Variants in WEE2 observed in about 807,000 individuals in gnomAD.
WEE2 encodes the protein wee1-like protein kinase 2.
WEE2 carries 50 observed loss-of-function variants against 60.1 expected under a neutral mutation model. That is an observed-to-expected ratio of 0.83 (90% CI 0.66 to 1.05). The LOEUF (loss-of-function observed/expected upper bound fraction) is 1.05. Among genes scored for constraint, WEE2 ranks in the 50% least tolerant of loss-of-function variants. The pLI is 0.00. For missense variants in WEE2, 631 were observed against 684.3 expected, an observed-to-expected ratio of 0.92 and a Z score of 0.87; for synonymous variants, 240 against 241.0, an observed-to-expected ratio of 1.00 and a Z score of 0.04.
At chr7:141,720,794 A>G in intron 4 of WEE2, 141 bp from the exon 5 acceptor site, 3 of 932,444 alleles carry the variant, frequency 3.2e-6, no homozygotes, top group Admixed American at 2.4e-5. Flanking sequence ...TTAAGATTCA[A>G]TGAGATAAAA....
intron 8 of WEE2, 92 bp downstream of exon 8, chr7:141,724,367 A>G: frequency 9.2e-7 from 1 of 1,083,060 alleles, no homozygotes; most frequent in South Asian, 1.5e-5. Flanking sequence ...AAAACTGTAT[A>G]TTTATCATTA....
At position 141,723,293 on chromosome 7, in the gene WEE2, C is replaced by T. The variant is rs773459583; in HGVS notation, c.1027+13C>T. On this transcript the variant is annotated intron_variant, in intron 6 of 11. Coordinates refer to ENST00000397541, the MANE Select transcript of WEE2 (RefSeq NM_001105558.1). Reference sequence around the variant, plus strand: ...GACATCAAACCTAGTCAGTGTGATTCCCTTCTGCCACTTCTACCGTATTTT... The same window carrying T: ...GACATCAAACCTAGTCAGTGTGATTTCCTTCTGCCACTTCTACCGTATTTT... 3 of 1,611,722 alleles carry T rather than the reference C, an allele frequency of 1.9e-6. No homozygotes were observed. Among genetic ancestry groups the T allele is most frequent in the Non-Finnish European group, 2.5e-6 (3 of 1,178,854 alleles).
intron 8 of WEE2, 116 bp from the exon 9 acceptor site, chr7:141,724,910 G>T: frequency 8.7e-7 from 1 of 1,153,166 alleles, no homozygotes; most frequent in Non-Finnish European, 1.2e-6. Context: ...ATCTTTGACC[G>T]TCGTGTCTGT....
rs75014681 is a variant in WEE2 at position 141,709,109 on chromosome 7, G to C, written c.342+9G>C. 5.6e-5 allele frequency: 90 copies of C among 1,607,748 alleles called. No individual in the cohort carries two copies. In the African/African-American group the frequency reaches 1.1e-3, roughly 20 times the overall value. ...GCCCCTCTACTCCCAAAGTAAGTAA[G>C]GGGTGGGGGAAAAAGGGACGCAGGT... On this transcript the variant is annotated intron_variant, in intron 1 of 11. Transcript: ENST00000397541.
chr7:141,711,903 A>C lies in WEE2; in HGVS notation c.343-2306A>C, dbSNP rs1045334977. 2.6e-5 allele frequency: 4 copies of C among 152,202 alleles called. No homozygotes were observed. The highest frequency in any genetic ancestry group is 1.3e-4 in the Admixed American group (2 of 15,266). The allele number at this position is 152,202 out of a possible 1,614,324, so 9.4% of individuals were successfully genotyped here. A position where few individuals can be genotyped will look rare whatever the true frequency, so the allele number is the denominator to read the frequency against. On this transcript the variant is annotated intron_variant, in intron 1 of 11. Coordinates refer to ENST00000397541, the MANE Select transcript of WEE2 (RefSeq NM_001105558.1). The surrounding 1 kb of genome is among the most constrained non-coding windows in gnomAD (Gnocchi z 4.2). ...AAAAGTGAGACAGTGGAAGCAAGAC[A>C]GGAAGGAAGTGTCAGGCTCATTTTA...
At chr7:141,710,797 G>C (rs529108599) in intron 1 of WEE2, among the ~76,000 whole-genome samples, 1 of 152,182 alleles carries the variant, frequency 6.6e-6, no homozygotes, top group Admixed American at 6.5e-5. Flanking sequence ...GTGTGTGAGA[G>C]AGTGCAAGAG....
At chr7:141,723,103 T>C in intron 5 of WEE2, 31 bp from the exon 6 acceptor site, 1 of 1,613,282 alleles carries the variant, frequency 6.2e-7, no homozygotes, top group Non-Finnish European at 8.5e-7. Context: ...AGACTCATAC[T>C]GTGGGGCTGT....
rs1799129284 is a variant in WEE2 at position 141,730,918 on chromosome 7, T to G, written c.*598T>G. ...GTATTTTTAAATAAAGGTTTTTATC[T>G]TGTCCAAAGCCTAATTACAGGTAAA... On this transcript the variant is annotated 3_prime_UTR_variant, in exon 12 of 12. Coordinates refer to ENST00000397541, the MANE Select transcript of WEE2 (RefSeq NM_001105558.1). The G allele has an allele frequency of 6.6e-6, 1 of 152,252 alleles. No individual in the cohort carries two copies. The highest frequency in any genetic ancestry group is 2.1e-4 in the South Asian group (1 of 4,836). The allele number at this position is 152,252 out of a possible 1,614,324, so 9.4% of individuals were successfully genotyped here.
chr7:141,716,662 T>C (rs1428820210), intron 3 of WEE2, among the ~76,000 whole-genome samples: 2 of 152,140 alleles, frequency 1.3e-5, no homozygotes, highest in African/African-American at 4.8e-5. Context: ...GATATGTATA[T>C]GCTGGATCAT....
chr7:141,725,707 C>G (rs1471046528), intron 9 of WEE2, among the ~76,000 whole-genome samples: 3 of 150,738 alleles, frequency 2.0e-5, no homozygotes, highest in South Asian at 2.1e-4. Flanking sequence ...ATTGTAAAAT[C>G]TTTTCATGCT....
chr7:141,712,094 A>C (rs1798718414), intron 1 of WEE2, among the ~76,000 whole-genome samples: 1 of 152,126 alleles, frequency 6.6e-6, no homozygotes, highest in South Asian at 2.1e-4. Flanking sequence ...GGATTCAAGC[A>C]TCAGGGGACT....
intron 5 of WEE2, among the ~76,000 whole-genome samples, chr7:141,721,441 C>T (rs563415184): frequency 6.6e-6 from 1 of 152,204 alleles, no homozygotes; most frequent in South Asian, 2.1e-4. Context: ...CACCTACACA[C>T]TTTGTCTTGG....
At position 141,708,704 on chromosome 7, in the gene WEE2, C is replaced by G; in HGVS notation, c.-55C>G. The G allele has an allele frequency of 1.4e-6, 2 of 1,478,758 alleles. No homozygotes were observed. The highest frequency in any genetic ancestry group is 9.3e-7 in the Non-Finnish European group (1 of 1,080,430). 91.6% of individuals were successfully genotyped at this position (1,478,758 alleles called of 1,614,324 possible). A position where few individuals can be genotyped will look rare whatever the true frequency, so the allele number is the denominator to read the frequency against. ...TCTCCTCCCTGCTTCTGTAGGTTCA[C>G]AGCGTTCCCTTCTGATAGAGCTTTT... On this transcript the variant is annotated 5_prime_UTR_variant, in exon 1 of 12. Coordinates refer to ENST00000397541, the MANE Select transcript of WEE2 (RefSeq NM_001105558.1).
In WEE2 at chr7:141,729,669, T is replaced by C; in HGVS notation, c.1674T>C (p.Phe558=). 1 of 1,609,590 alleles carries C rather than the reference T, an allele frequency of 6.2e-7. No individual in the cohort carries two copies. The highest frequency in any genetic ancestry group is 2.2e-5 in the East Asian group (1 of 44,842). ...VGGKSARSSS[F]TSGEREPLH is the part of the protein sequence containing the mutation. The stretch of plus-strand genomic sequence containing the variant: ...GAAAGAGTGCAAGGTCTTCAAGCTT[T>C]ACCTGTGAGTAATCTTCCCCTTAAG... The change falls in exon 11 of 12, where the codon TTT becomes TTC. Residue 558 remains phenylalanine (F), a synonymous_variant. Transcript: ENST00000397541.
intron 1 of WEE2, among the ~76,000 whole-genome samples, chr7:141,709,779 T>C (rs1584736423): frequency 6.6e-6 from 1 of 152,306 alleles, no homozygotes; most frequent in East Asian, 1.9e-4. Flanking sequence ...GAGTCCCTAG[T>C]AGCATATTCC....
rs1353330768 is a variant in WEE2, at chr7:141,725,637, A to AG, written c.1392+441_1392+442insG. Among the ~76,000 whole-genome samples the AG allele has an allele frequency of 4.6e-5, 7 of 152,158 alleles. No individual in the cohort carries two copies. The East Asian group carries it at 1.4e-3, about 29-fold the overall frequency. ...GAGACTCCGTCTCAAAAAAAAAAAA[A>AG]AAAAAAGCAGGCAGCGGAGGGGGCG... On this transcript the variant is annotated intron_variant, in intron 9 of 11. Coordinates refer to ENST00000397541, the MANE Select transcript of WEE2 (RefSeq NM_001105558.1).
In WEE2 at chr7:141,727,437, C is replaced by G. The variant is rs561841171; in HGVS notation, c.1526C>G (p.Thr509Arg). ...AATTTGGAAAAGTTCAAGACTGCCA[C>G]ACTGGAAAGGTATATTTTTGGATGA... ...QLNLEKFKTA[T>R]LERELREAQQ... The change falls in exon 10 of 12, where the codon ACA (threonine) becomes AGA (arginine). Residue 509 changes from threonine to arginine, a missense_variant. Transcript: ENST00000397541. 12 of 1,614,082 alleles carry G rather than the reference C, an allele frequency of 7.4e-6. No individual in the cohort carries two copies. Among genetic ancestry groups the G allele is most frequent in the Middle Eastern group, 1.7e-4 (1 of 6,060 alleles).
chr7:141,729,417 T>C, intron 10 of WEE2, 114 bp from the exon 11 acceptor site: 1 of 1,417,220 alleles, frequency 7.1e-7, no homozygotes, highest in Non-Finnish European at 9.7e-7. Flanking sequence ...AGCTCAGGCT[T>C]TTCGTTTCTG....
At chr7:141,714,100 TA>T in intron 1 of WEE2, 108 bp from the exon 2 acceptor site, 1 of 912,666 alleles carries the variant, frequency 1.1e-6, no homozygotes, top group Non-Finnish European at 1.7e-6. Flanking sequence ...AGATAATTTC[TA>T]AGGCCCCTTC....
Sources: allele counts gnomAD v4.1 joint callset (sites outside exome capture counted in the v4.1 genomes callset), GRCh38; gene constraint gnomAD v4.1.1; non-coding constraint Gnocchi (gnomAD v3.1); transcripts MANE v1.5; gene names NCBI Gene and HGNC (gene_info 2026-07-23, HGNC 2026-07-21).